PTPRT: variants seen among roughly 807,000 people sequenced by gnomAD.
PTPRT encodes the protein protein tyrosine phosphatase receptor type T.
In PTPRT, 56 loss-of-function variants were observed where a neutral mutation model predicts 176.8. The observed-to-expected ratio is 0.32, with a 90% CI of 0.26 to 0.40. PTPRT has a LOEUF of 0.40. Ranked by LOEUF, PTPRT falls within the 10% of genes least tolerant of loss-of-function variation. PTPRT has a pLI of 1.00. For synonymous variants in PTPRT, 783 were observed against 739.0 expected, an observed-to-expected ratio of 1.06 and a Z score of -0.96; for missense variants, 1,540 against 1,908.2, an observed-to-expected ratio of 0.81 and a Z score of 3.60.
At chr20:42,244,202 A>T (rs1345137152) in intron 14 of PTPRT, among the ~76,000 whole-genome samples, 1 of 152,192 alleles carries the variant, frequency 6.6e-6, no homozygotes, top group Non-Finnish European at 1.5e-5. Flanking sequence ...AGGACTAAAA[A>T]TTTGGGGCCA....
chr20:42,754,777 C>G (rs1302085093), intron 6 of PTPRT, among the ~76,000 whole-genome samples: 4 of 152,112 alleles, frequency 2.6e-5, no homozygotes, highest in African/African-American at 9.7e-5. Context: ...ATAATAAACT[C>G]CTGCTGAGGC....
chr20:42,370,351 C>T (rs2058571135), intron 9 of PTPRT, among the ~76,000 whole-genome samples: 1 of 152,136 alleles, frequency 6.6e-6, no homozygotes, highest in Non-Finnish European at 1.5e-5. Context: ...TCAAGCCTTC[C>T]CCTTGAGCTA....
chr20:43,043,718 A>G (rs1986727530), intron 1 of PTPRT, among the ~76,000 whole-genome samples: 1 of 152,216 alleles, frequency 6.6e-6, no homozygotes, highest in African/African-American at 2.4e-5. Flanking sequence ...CCCAGGCCAC[A>G]GACTTGCAAA....
At chr20:42,155,286 G>A (rs1054606045) in intron 17 of PTPRT, among the ~76,000 whole-genome samples, 4 of 152,218 alleles carry the variant, frequency 2.6e-5, no homozygotes, top group Non-Finnish European at 4.4e-5. Flanking sequence ...TATCTGGCAG[G>A]TGAAGTTAAT....
downstream of PTPRT, among the ~76,000 whole-genome samples, chr20:42,070,236 A>G (rs1429943479): frequency 6.6e-6 from 1 of 151,812 alleles, no homozygotes; most frequent in African/African-American, 2.4e-5. Flanking sequence ...GAGGGCTTCT[A>G]GGTTCCCTGG....
At chr20:42,584,478 A>T (rs1028240745) in intron 7 of PTPRT, among the ~76,000 whole-genome samples, 1 of 152,124 alleles carries the variant, frequency 6.6e-6, no homozygotes, top group African/African-American at 2.4e-5. Context: ...GGCTTCATGC[A>T]GGCCTTTGCA....
chr20:42,721,802 T>A (rs888690074), intron 6 of PTPRT, among the ~76,000 whole-genome samples: 1 of 152,142 alleles, frequency 6.6e-6, no homozygotes, highest in Non-Finnish European at 1.5e-5. Context: ...CTCACCTCCA[T>A]CTCCTAATTG....
At chr20:42,551,594 T>G (rs1171220715) in intron 7 of PTPRT, among the ~76,000 whole-genome samples, 1 of 152,180 alleles carries the variant, frequency 6.6e-6, no homozygotes, top group Non-Finnish European at 1.5e-5. Context: ...TAGCTTTTAG[T>G]GTTCGTGTCT....
At chr20:42,285,193 A>C (rs1568739347) in intron 12 of PTPRT, among the ~76,000 whole-genome samples, 1 of 152,042 alleles carries the variant, frequency 6.6e-6, no homozygotes, top group African/African-American at 2.4e-5. Flanking sequence ...CGGTTAAATA[A>C]AGCATGAAAC....
At chr20:42,068,655 T>C (rs1057003361), downstream of PTPRT, among the ~76,000 whole-genome samples, 2 of 152,232 alleles carry the variant, frequency 1.3e-5, no homozygotes, top group Non-Finnish European at 2.9e-5. Context: ...TTGCATCTTT[T>C]AGGCAGCAAA....
At chr20:42,675,929 G>A (rs142247188) in intron 7 of PTPRT, among the ~76,000 whole-genome samples, 3 of 152,336 alleles carry the variant, frequency 2.0e-5, no homozygotes, top group Non-Finnish European at 4.4e-5. Context: ...CATTAACAAT[G>A]ATTTTTGTCT....
At chr20:43,040,834 T>C (rs1986575932) in intron 1 of PTPRT, among the ~76,000 whole-genome samples, 1 of 152,232 alleles carries the variant, frequency 6.6e-6, no homozygotes, top group South Asian at 2.1e-4. Flanking sequence ...TCATGATTCC[T>C]GAGGATACAG....
intron 7 of PTPRT, among the ~76,000 whole-genome samples, chr20:42,620,830 G>A (rs6093701): frequency 0.21 from 31,903 of 151,936 alleles, 4,571 homozygotes; most frequent in African/African-American, 0.41. Flanking sequence ...ACTGGCCTGC[G>A]CCCACTGTCT....
chr20:42,391,471 T>C (rs1276087398), intron 9 of PTPRT, among the ~76,000 whole-genome samples: 1 of 152,118 alleles, frequency 6.6e-6, no homozygotes, highest in African/African-American at 2.4e-5. Context: ...CCAAACTTAG[T>C]GTGTGGGGCA....
chr20:42,220,530 G>A (rs1240727364), intron 15 of PTPRT, among the ~76,000 whole-genome samples: 2 of 151,152 alleles, frequency 1.3e-5, no homozygotes, highest in East Asian at 3.9e-4. Flanking sequence ...GCAACATAGT[G>A]ACACCCTCTC....
At chr20:42,947,582 A>C (rs1310151416) in intron 1 of PTPRT, among the ~76,000 whole-genome samples, 1 of 152,190 alleles carries the variant, frequency 6.6e-6, no homozygotes, top group Non-Finnish European at 1.5e-5. Context: ...GAAGAACAAA[A>C]TATACACAAT....
At chr20:42,704,941 C>T (rs368936729) in intron 6 of PTPRT, among the ~76,000 whole-genome samples, 9 of 152,260 alleles carry the variant, frequency 5.9e-5, no homozygotes, top group East Asian at 5.8e-4. Context: ...CGTGGTGGCT[C>T]ATACCTGTAA....
At chr20:42,817,515 A>C (rs6030490) in intron 2 of PTPRT, among the ~76,000 whole-genome samples, 9 of 152,352 alleles carry the variant, frequency 5.9e-5, no homozygotes, top group African/African-American at 2.2e-4. Context: ...ATTCAGGGAC[A>C]GTATGCTTAT....
chr20:42,383,176 C>G (rs756895786), intron 9 of PTPRT, among the ~76,000 whole-genome samples: 5 of 152,124 alleles, frequency 3.3e-5, no homozygotes, highest in Non-Finnish European at 7.4e-5. Flanking sequence ...ACTGAGACTT[C>G]GGGCAGAGCA....
Sources: allele counts gnomAD v4.1 joint callset (sites outside exome capture counted in the v4.1 genomes callset), GRCh38; gene constraint gnomAD v4.1.1; transcripts MANE v1.5; gene names NCBI Gene and HGNC (gene_info 2026-07-23, HGNC 2026-07-21).